The following ZBTB34 variants were observed in gnomAD, a reference collection of about 807,000 sequenced individuals.
ZBTB34 encodes zinc finger and BTB domain-containing protein 34.
A neutral mutation model predicts 33.4 loss-of-function variants in ZBTB34; 1 was observed. That is an observed-to-expected ratio of 0.03 (90% CI 0.01 to 0.14). The LOEUF is 0.14. Ranked by LOEUF, ZBTB34 falls within the 10% of genes least tolerant of loss-of-function variation. The pLI, the probability that ZBTB34 is intolerant of heterozygous loss-of-function variation, is 1.00. For missense variants in ZBTB34, 406 were observed against 657.2 expected (o/e 0.62, Z 4.18); for synonymous variants, 283 against 253.5 (o/e 1.12, Z -1.11).
intron 1 of ZBTB34, among the ~76,000 whole-genome samples, chr9:126,874,879 T>A (rs1217971112): frequency 6.6e-6 from 1 of 152,188 alleles, no homozygotes; most frequent in Admixed American, 6.5e-5. Flanking sequence ...CACTCCCCCA[T>A]CGTGAAAGAT....
At position 126,879,961 on chromosome 9, in the gene ZBTB34, A is replaced by T; in HGVS notation, c.562A>T (p.Thr188Ser). Residue 188 changes from threonine to serine, a missense_variant, in exon 2 of 2, where the codon ACG becomes TCG. This residue lies in a region of ZBTB34 where 137 missense variants were observed against 173.0 expected (regional missense o/e 0.79). Transcript: ENST00000319119. The surrounding 1 kb of genome is among the most constrained non-coding windows in gnomAD (Gnocchi z 6.4). ...CGCAAGCAGTGACCTCCGGATGGAG[A>T]CGACCCCCAGCAAAGCTTTGCGCAG... 1.2e-6 allele frequency: 2 copies of T among 1,613,174 alleles called. No individual in the cohort carries two copies. Among genetic ancestry groups the T allele is most frequent in the Middle Eastern group, 1.6e-4 (1 of 6,062 alleles).
chr9:126,879,619 T>G lies in ZBTB34; in HGVS notation c.220T>G (p.Ser74Ala), dbSNP rs548237338. 1 of 1,613,864 alleles carries G rather than the reference T, an allele frequency of 6.2e-7. No individual in the cohort carries two copies. Among genetic ancestry groups the G allele is most frequent in the African/African-American group, 1.3e-5 (1 of 75,054 alleles). ...AGCGTTAAGTACCATGAGTGGCTTG[T>G]CAATATCAGTGATTAAAAATCCCAA... Residue 74 changes from serine (S) to alanine (A), a missense_variant, in exon 2 of 2, where the codon TCA becomes GCA. By Grantham distance (99) the Ser-to-Ala change is moderately conservative. Coordinates refer to ENST00000319119, the Ensembl canonical transcript of ZBTB34. The surrounding 1 kb of genome is among the most constrained non-coding windows in gnomAD (Gnocchi z 6.4).
intron 1 of ZBTB34, among the ~76,000 whole-genome samples, chr9:126,874,012 G>C (rs950144041): frequency 4.2e-5 from 6 of 141,226 alleles, no homozygotes; most frequent in Admixed American, 1.4e-4. Context: ...TTATTGATTT[G>C]TGAGAGACTC....
intron 1 of ZBTB34, among the ~76,000 whole-genome samples, chr9:126,867,992 C>T (rs1277467670): frequency 6.6e-6 from 1 of 152,038 alleles, no homozygotes; most frequent in Non-Finnish European, 1.5e-5. Context: ...GCCTTTTTGC[C>T]TCTTTTACTA....
At chr9:126,873,762 G>T (rs1341333007) in intron 1 of ZBTB34, among the ~76,000 whole-genome samples, 6 of 151,642 alleles carry the variant, frequency 4.0e-5, no homozygotes, top group Admixed American at 3.9e-4. Context: ...CCGCCACCAC[G>T]CCCAGCTAAT....
At position 126,879,305 on chromosome 9, in the gene ZBTB34, GTAT is replaced by G. The variant is rs1363747386; in HGVS notation, c.-10-83_-10-81del. The G allele has an allele frequency of 9.2e-7, 1 of 1,090,938 alleles. No individual in the cohort carries two copies. The highest frequency in any genetic ancestry group is 1.6e-5 in the African/African-American group (1 of 63,864). 67.6% of individuals were successfully genotyped at this position (1,090,938 alleles called of 1,614,324 possible). On this transcript the variant is annotated intron_variant, in intron 1 of 1. Coordinates refer to ENST00000319119, the Ensembl canonical transcript of ZBTB34. This position sits in a 1 kb window ranked among gnomAD's most constrained non-coding sequence, Gnocchi z 6.4. ...TTTAGGAGGTATGATAGCCACAATG[GTAT>G]TGTTGTTGTAAGCTTGTGTTTATGC...
At chr9:126,878,322 T>C (rs755139053) in intron 1 of ZBTB34, among the ~76,000 whole-genome samples, 1 of 151,552 alleles carries the variant, frequency 6.6e-6, no homozygotes, top group Non-Finnish European at 1.5e-5. Flanking sequence ...ATACAAAAAT[T>C]AACTGGGCAT....
chr9:126,870,647 C>T (rs1455181982), intron 1 of ZBTB34, among the ~76,000 whole-genome samples: 1 of 152,188 alleles, frequency 6.6e-6, no homozygotes, highest in African/African-American at 2.4e-5. Context: ...ACAAATGCAG[C>T]CGGGCGCAGT....
chr9:126,877,997 T>A (rs2119229025), intron 1 of ZBTB34, among the ~76,000 whole-genome samples: 1 of 152,064 alleles, frequency 6.6e-6, no homozygotes, highest in East Asian at 1.9e-4. Context: ...AGACTCCATC[T>A]GTAAAAATAA....
In ZBTB34 at chr9:126,873,697, C is replaced by T. The variant is rs184512549; in HGVS notation, c.-10-5693C>T. Among the ~76,000 whole-genome samples, 1,086 of 152,092 alleles carry T rather than the reference C, an allele frequency of 7.1e-3. 13 individuals are homozygous for T. Among genetic ancestry groups the T allele is most frequent in the African/African-American group, 0.025 (1,047 of 41,500 alleles). On this transcript the variant is annotated intron_variant, in intron 1 of 1. Transcript: ENST00000319119. ...TCGGCTCACTGCAACCTCCGCCTCC[C>T]GGGTTCAAGCGATTCTCCTGCCTCG... is the stretch of plus-strand genomic sequence containing the variant.
At position 126,883,151 on chromosome 9, in the gene ZBTB34, A is replaced by G. The variant is rs2033467417; in HGVS notation, c.*2237A>G. 6 of 166,456 alleles carry G rather than the reference A, an allele frequency of 3.6e-5. No individual in the cohort carries two copies. The South Asian group carries it at 1.3e-3, about 35-fold the overall frequency. The allele number at this position is 166,456 out of a possible 1,614,324, so 10.3% of individuals were successfully genotyped here. A position where few individuals can be genotyped will look rare whatever the true frequency, so the allele number is the denominator to read the frequency against. On this transcript the variant is annotated 3_prime_UTR_variant, in exon 2 of 2. Transcript: ENST00000319119. ...TTAAATATGTTCTGGGGTTTCAGGTAAATGTTTGTGGGTTTTTTTTTCCTT... is the reference window on the plus strand; with the variant it reads ...TTAAATATGTTCTGGGGTTTCAGGTGAATGTTTGTGGGTTTTTTTTTCCTT...
At chr9:126,865,558 A>G (rs2033189798) in intron 1 of ZBTB34, among the ~76,000 whole-genome samples, 1 of 152,252 alleles carries the variant, frequency 6.6e-6, no homozygotes, top group African/African-American at 2.4e-5. Flanking sequence ...CCCAGATGGC[A>G]TCTGAGAGTC....
chr9:126,861,294 C>A (rs1317169625), intron 1 of ZBTB34, among the ~76,000 whole-genome samples: 1 of 152,270 alleles, frequency 6.6e-6, no homozygotes, highest in South Asian at 2.1e-4. Context: ...TGGCCACTCG[C>A]GCTCAGTTGG....
chr9:126,883,655 A>G (rs776771087), exon 2 of ZBTB34: 1 of 167,092 alleles, frequency 6.0e-6, no homozygotes, highest in Admixed American at 6.5e-5. Context: ...ACTTGCTCCC[A>G]TTCGTGTTGC....
chr9:126,866,928 C>G (rs142617835), intron 1 of ZBTB34, among the ~76,000 whole-genome samples: 11 of 152,192 alleles, frequency 7.2e-5, no homozygotes, highest in Admixed American at 2.6e-4. Flanking sequence ...CAGCAAGCAA[C>G]GTAATATAAT....
exon 2 of ZBTB34, chr9:126,882,644 C>A (rs940873310): frequency 6.0e-6 from 1 of 167,138 alleles, no homozygotes; most frequent in Non-Finnish European, 1.5e-5. Flanking sequence ...AACCAGTGCA[C>A]CTCCATAGGA....
At chr9:126,872,225 A>G (rs530941639) in intron 1 of ZBTB34, among the ~76,000 whole-genome samples, 5 of 152,212 alleles carry the variant, frequency 3.3e-5, no homozygotes, top group Admixed American at 3.3e-4. Context: ...TGCTGGGATT[A>G]CAGGCGTGAG....
chr9:126,867,122 G>A (rs1024151576), intron 1 of ZBTB34, among the ~76,000 whole-genome samples: 73 of 139,120 alleles, frequency 5.2e-4, no homozygotes, highest in Non-Finnish European at 9.7e-4. Flanking sequence ...TCCTTTGGGG[G>A]TTCCTTTTTT....
Position 126,880,237 on chromosome 9 carries a change from G to T in ZBTB34, c.838G>T (p.Gly280Cys). Residue 280 changes from glycine to cysteine, a missense_variant, in exon 2 of 2, where the codon GGT becomes TGT. Transcript: ENST00000319119. This position sits in a 1 kb window ranked among gnomAD's most constrained non-coding sequence, Gnocchi z 6.7. ...TGTGGCAGTGAATGTGGGCTCCTAT[G>T]GTTCTGTGCTCCAGCACGCATACTC... 6.2e-7 allele frequency: 1 copy of T among 1,613,834 alleles called. No individual in the cohort carries two copies. The highest frequency in any genetic ancestry group is 8.5e-7 in the Non-Finnish European group (1 of 1,179,892).
Sources: gnomAD v4.1 joint callset for allele counts (sites outside exome capture counted in the v4.1 genomes callset) on GRCh38, gnomAD v4.1.1 for gene constraint, gnomAD v4.1.1 regional missense constraint, Gnocchi (gnomAD v3.1) non-coding constraint, MANE v1.5 for transcripts, NCBI Gene and HGNC (gene_info 2026-07-23, HGNC 2026-07-21) for gene names.